Variants in SNTG1 observed in about 807,000 individuals in gnomAD.
The protein encoded by SNTG1 is syntrophin gamma 1, also known as gamma-1-syntrophin.
SNTG1 carries 39 observed loss-of-function variants against 74.7 expected under a neutral mutation model. That is an observed-to-expected ratio of 0.52 (90% CI 0.40 to 0.68). The LOEUF (loss-of-function observed/expected upper bound fraction) is 0.68. Ranked by LOEUF, SNTG1 falls within the 30% of genes least tolerant of loss-of-function variation. SNTG1 has a pLI of 0.00. For missense variants in SNTG1, 685 were observed against 609.5 expected, an observed-to-expected ratio of 1.12 and a Z score of -1.30; for synonymous variants, 254 against 217.1, an observed-to-expected ratio of 1.17 and a Z score of -1.49.
chr8:49,943,537 A>G (rs1808886941), intron 1 of SNTG1, among the ~76,000 whole-genome samples: 1 of 152,254 alleles, frequency 6.6e-6, no homozygotes, highest in African/African-American at 2.4e-5. Context: ...ATGAGTGTGG[A>G]AGGATCTTTT....
At chr8:50,731,070 A>G (rs1159116279) in intron 17 of SNTG1, among the ~76,000 whole-genome samples, 1 of 152,168 alleles carries the variant, frequency 6.6e-6, no homozygotes, top group African/African-American at 2.4e-5. Flanking sequence ...TTATAAGTAG[A>G]ATATAAAATT....
rs568575825 is a variant in SNTG1 at position 50,311,970 on chromosome 8, G to C, written c.-27-82242G>C. Among the ~76,000 whole-genome samples the C allele has an allele frequency of 2.0e-5, 3 of 152,224 alleles. No individual in the cohort carries two copies. In the East Asian group the frequency reaches 5.8e-4, roughly 29 times the overall value. ...AGACTCTTAATTATCCCCATTAATG[G>C]AGAGGACTGGAAGAATAGATTCTCC... On this transcript the variant is annotated intron_variant, in intron 2 of 18. Transcript: ENST00000642720.
intron 1 of SNTG1, among the ~76,000 whole-genome samples, chr8:50,149,092 A>C (rs1229079804): frequency 1.3e-5 from 2 of 152,182 alleles, no homozygotes; most frequent in African/African-American, 4.8e-5. Flanking sequence ...TCACCATTCT[A>C]ACTGGTGTGA....
At chr8:50,439,852 A>C (rs2093342386) in intron 5 of SNTG1, among the ~76,000 whole-genome samples, 1 of 150,400 alleles carries the variant, frequency 6.6e-6, no homozygotes, top group Admixed American at 6.7e-5. Context: ...CATCATTTTT[A>C]CTGAACCAGG....
intron 1 of SNTG1, among the ~76,000 whole-genome samples, chr8:49,985,238 C>G (rs886854128): frequency 2.9e-4 from 44 of 152,146 alleles, no homozygotes; most frequent in African/African-American, 1.1e-3. Flanking sequence ...GTGGCACGAT[C>G]TCCACTCACT....
intron 8 of SNTG1, among the ~76,000 whole-genome samples, chr8:50,484,195 T>G (rs2093768736): frequency 7.6e-6 from 1 of 131,248 alleles, no homozygotes. Context: ...CTTCCTTCCT[T>G]CCTTCCTTCC....
chr8:49,948,433 C>A (rs1195942383), intron 1 of SNTG1, among the ~76,000 whole-genome samples: 3 of 152,118 alleles, frequency 2.0e-5, no homozygotes, highest in Non-Finnish European at 4.4e-5. Flanking sequence ...GTGAGGAACA[C>A]AATGTCTTCC....
At chr8:50,179,094 C>G (rs1371355037) in intron 2 of SNTG1, among the ~76,000 whole-genome samples, 1 of 152,102 alleles carries the variant, frequency 6.6e-6, no homozygotes, top group Non-Finnish European at 1.5e-5. Context: ...TTCTTTGTGG[C>G]CTTCCCAAAA....
intron 1 of SNTG1, among the ~76,000 whole-genome samples, chr8:50,130,676 C>A (rs1447915299): frequency 6.6e-6 from 1 of 152,032 alleles, no homozygotes; most frequent in Non-Finnish European, 1.5e-5. Flanking sequence ...TCAATAAATG[C>A]ATTTCTGAAA....
At chr8:50,704,829 C>A in intron 16 of SNTG1, 77 bp downstream of exon 16, 1 of 1,494,910 alleles carries the variant, frequency 6.7e-7, no homozygotes, top group East Asian at 2.3e-5. Context: ...AATATCATTC[C>A]AAAGTAGTGT....
chr8:50,266,688 A>ATG, intron 2 of SNTG1, among the ~76,000 whole-genome samples: 1 of 127,732 alleles, frequency 7.8e-6, no homozygotes, highest in South Asian at 2.9e-4. Flanking sequence ...GTGTGTGTAT[A>ATG]TATATATATA....
intron 17 of SNTG1, among the ~76,000 whole-genome samples, chr8:50,737,068 A>T (rs1737667658): frequency 1.3e-5 from 2 of 152,128 alleles, no homozygotes. Context: ...AAATCAGAGC[A>T]GAAATGAAGG....
intron 2 of SNTG1, among the ~76,000 whole-genome samples, chr8:50,244,626 A>T (rs2129742753): frequency 6.6e-6 from 1 of 152,280 alleles, no homozygotes; most frequent in Non-Finnish European, 1.5e-5. Context: ...ATTTCAATAT[A>T]AAATTTAGCT....
At chr8:50,625,941 T>C (rs1452306917) in intron 13 of SNTG1, among the ~76,000 whole-genome samples, 1 of 152,210 alleles carries the variant, frequency 6.6e-6, no homozygotes, top group Non-Finnish European at 1.5e-5. Flanking sequence ...ACCCCATGTG[T>C]GCTTTCCTTC....
At chr8:50,093,724 G>A (rs1355746137) in intron 1 of SNTG1, among the ~76,000 whole-genome samples, 1 of 152,106 alleles carries the variant, frequency 6.6e-6, no homozygotes, top group African/African-American at 2.4e-5. Flanking sequence ...CTAAGGTAAA[G>A]AAGTAGACTG....
At chr8:50,338,831 G>A (rs2130923398) in intron 2 of SNTG1, among the ~76,000 whole-genome samples, 1 of 152,166 alleles carries the variant, frequency 6.6e-6, no homozygotes, top group African/African-American at 2.4e-5. Context: ...AATACCAGAA[G>A]AAGAAGAAAG....
At chr8:50,145,072 G>A (rs1354265419) in intron 1 of SNTG1, among the ~76,000 whole-genome samples, 2 of 152,088 alleles carry the variant, frequency 1.3e-5, no homozygotes, top group Non-Finnish European at 2.9e-5. Context: ...CCTCCACGCC[G>A]AGAGGACTCA....
At chr8:50,221,674 T>C (rs1394041779) in intron 2 of SNTG1, among the ~76,000 whole-genome samples, 2 of 152,182 alleles carry the variant, frequency 1.3e-5, no homozygotes, top group Non-Finnish European at 2.9e-5. Flanking sequence ...TTAAAAAATA[T>C]ATTTTTTATT....
At chr8:49,955,071 T>C (rs1242703525) in intron 1 of SNTG1, among the ~76,000 whole-genome samples, 1 of 152,192 alleles carries the variant, frequency 6.6e-6, no homozygotes, top group Non-Finnish European at 1.5e-5. Flanking sequence ...TTTAGTGTTA[T>C]GTTTATAAAA....
Sources: gnomAD v4.1 joint callset for allele counts (sites outside exome capture counted in the v4.1 genomes callset) on GRCh38, gnomAD v4.1.1 for gene constraint, MANE v1.5 for transcripts, NCBI Gene and HGNC (gene_info 2026-07-23, HGNC 2026-07-21) for gene names.